PDGFRA: variants seen among roughly 807,000 people sequenced by gnomAD.
The protein encoded by PDGFRA is platelet-derived growth factor receptor alpha.
In PDGFRA, 25 loss-of-function variants were observed where a neutral mutation model predicts 121.5. The observed-to-expected ratio is 0.21, with a 90% CI of 0.15 to 0.29. The LOEUF (loss-of-function observed/expected upper bound fraction) is 0.29. Ranked by LOEUF, PDGFRA falls within the 10% of genes least tolerant of loss-of-function variation. PDGFRA has a pLI of 1.00. For missense variants in PDGFRA, 1,008 were observed against 1,345.1 expected, an observed-to-expected ratio of 0.75 and a Z score of 3.92; for synonymous variants, 463 against 494.8, an observed-to-expected ratio of 0.94 and a Z score of 0.85.
At chr4:54,235,786 A>T (rs1210668862) in intron 1 of PDGFRA, among the ~76,000 whole-genome samples, 1 of 152,230 alleles carries the variant, frequency 6.6e-6, no homozygotes, top group Non-Finnish European at 1.5e-5. Flanking sequence ...CTGCAGAAAA[A>T]GTCGTGAAAA....
intron 1 of PDGFRA, among the ~76,000 whole-genome samples, chr4:54,231,238 A>C (rs890203): frequency 0.25 from 37,894 of 152,186 alleles, 5,065 homozygotes; most frequent in Admixed American, 0.33. Context: ...GATGGGGCCC[A>C]TATCAGGTCC....
intron 14 of PDGFRA, 40 bp downstream of exon 14, chr4:54,278,046 C>G (rs2110312703): frequency 8.4e-7 from 1 of 1,189,260 alleles, no homozygotes; most frequent in Non-Finnish European, 1.3e-6. Flanking sequence ...TCACTGGACA[C>G]ATGTGGTTGT....
Position 54,288,998 on chromosome 4 carries a change from T to C in PDGFRA, c.2775-11T>C. The stretch of plus-strand genomic sequence containing the variant: ...TCCCCCTGTGCCCACTCTTGAGTTC[T>C]GTCCCCACAGCTACGAGATCATGGT... On this transcript the variant is annotated splice_polypyrimidine_tract_variant and intron_variant, in intron 20 of 22. Coordinates refer to ENST00000257290, the MANE Select transcript of PDGFRA (RefSeq NM_006206.6). The C allele has an allele frequency of 6.3e-7, 1 of 1,589,768 alleles. No individual in the cohort carries two copies. The highest frequency in any genetic ancestry group is 8.6e-7 in the Non-Finnish European group (1 of 1,157,806).
intron 12 of PDGFRA, among the ~76,000 whole-genome samples, chr4:54,275,976 G>A (rs573899355): frequency 6.6e-6 from 1 of 152,274 alleles, no homozygotes; most frequent in Non-Finnish European, 1.5e-5. Flanking sequence ...CTGCCTTTGC[G>A]GGACTAACGA....
chr4:54,264,121 A>AT, intron 4 of PDGFRA, 194 bp downstream of exon 4: 1 of 605,802 alleles, frequency 1.7e-6, no homozygotes, highest in Non-Finnish European at 2.9e-6. Flanking sequence ...CCAAAGCTTG[A>AT]TTACCCATGC....
chr4:54,231,902 G>C (rs1356821364), intron 1 of PDGFRA, among the ~76,000 whole-genome samples: 2 of 152,264 alleles, frequency 1.3e-5, no homozygotes, highest in Admixed American at 6.5e-5. Context: ...GACTGAGGAG[G>C]GATGCAGGGG....
intron 8 of PDGFRA, among the ~76,000 whole-genome samples, chr4:54,272,011 CCCCTT>C (rs1267784340): frequency 5.2e-5 from 5 of 95,442 alleles, no homozygotes; most frequent in Non-Finnish European, 8.1e-5. Flanking sequence ...CCCCTCCCCT[CCCCTT>C]CCCTTCCCTT....
intron 7 of PDGFRA, among the ~76,000 whole-genome samples, chr4:54,270,010 G>T (rs570788264): frequency 6.6e-6 from 1 of 152,046 alleles, no homozygotes; most frequent in Non-Finnish European, 1.5e-5. Flanking sequence ...CAAACAAAAA[G>T]AGAATGCATT....
rs754824764 is a variant in PDGFRA, at chr4:54,273,647, A to C, written c.1475A>C (p.Lys492Thr). Residue 492 changes from lysine to threonine, a missense_variant, in exon 10 of 23, where the codon AAA (lysine) becomes ACA (threonine). Physicochemically the swap from Lys to Thr is moderately conservative, Grantham distance 78. Around this residue, in one of 5 missense-constraint regions of PDGFRA, gnomAD observed 575 missense variants for 701.8 expected, o/e 0.82. Transcript: ENST00000257290. ...GTGGAGGGCCGTGTGACTTTCGCCAAAGTGGAGGAGACCATCGCCGTGCGA... is the reference window on the plus strand; with the variant it reads ...GTGGAGGGCCGTGTGACTTTCGCCACAGTGGAGGAGACCATCGCCGTGCGA... ...STVEGRVTFA[K>T]VEETIAVRCL... The C allele has an allele frequency of 1.9e-6, 3 of 1,613,858 alleles. No homozygotes were observed. The highest frequency in any genetic ancestry group is 2.5e-6 in the Non-Finnish European group (3 of 1,180,008).
At chr4:54,294,555 A>G (rs1050934775) in intron 22 of PDGFRA, among the ~76,000 whole-genome samples, 1 of 151,948 alleles carries the variant, frequency 6.6e-6, no homozygotes, top group Admixed American at 6.6e-5. Context: ...TCCAGACCTA[A>G]GGCTTTCTGA....
intron 16 of PDGFRA, among the ~76,000 whole-genome samples, chr4:54,283,040 C>T (rs1270462488): frequency 3.9e-5 from 6 of 152,236 alleles, no homozygotes; most frequent in Admixed American, 3.9e-4. Flanking sequence ...GCCCCTGCAG[C>T]TGCTCTCAGG....
chr4:54,234,789 T>A (rs372874908), intron 1 of PDGFRA, among the ~76,000 whole-genome samples: 9 of 152,190 alleles, frequency 5.9e-5, no homozygotes, highest in Non-Finnish European at 1.2e-4. Flanking sequence ...CTCAAACTGC[T>A]ACTGCTACTC....
intron 22 of PDGFRA, 66 bp from the exon 23 acceptor site, chr4:54,295,059 G>T: frequency 6.7e-7 from 1 of 1,491,064 alleles, no homozygotes; most frequent in Non-Finnish European, 9.4e-7. Flanking sequence ...TTGTCTCTGG[G>T]GGGCCACAGT....
intron 1 of PDGFRA, among the ~76,000 whole-genome samples, chr4:54,254,180 G>T (rs1485828669): frequency 6.6e-6 from 1 of 152,170 alleles, no homozygotes; most frequent in Non-Finnish European, 1.5e-5. Flanking sequence ...GGTGAGGAAA[G>T]TCCCCATCTT....
At chr4:54,284,780 C>T (rs1324390673) in intron 16 of PDGFRA, among the ~76,000 whole-genome samples, 4 of 141,384 alleles carry the variant, frequency 2.8e-5, no homozygotes, top group South Asian at 2.5e-4. Context: ...GGTGGGGACA[C>T]ATATCCAAAC....
At chr4:54,267,891 T>A (rs759154375) in intron 7 of PDGFRA, 150 bp downstream of exon 7, 7 of 709,672 alleles carry the variant, frequency 9.9e-6, no homozygotes, top group Non-Finnish European at 1.8e-5. Context: ...ATCCCTTTAA[T>A]GATAACATTG....
chr4:54,231,867 T>G (rs1165563844), intron 1 of PDGFRA, among the ~76,000 whole-genome samples: 1 of 152,160 alleles, frequency 6.6e-6, no homozygotes, highest in Non-Finnish European at 1.5e-5. Flanking sequence ...TCTGCGCCCC[T>G]GGGCCAGTTT....
intron 1 of PDGFRA, among the ~76,000 whole-genome samples, chr4:54,245,151 A>T (rs1721562136): frequency 6.6e-6 from 1 of 152,262 alleles, no homozygotes; most frequent in South Asian, 2.1e-4. Flanking sequence ...TCTGCAGGAT[A>T]TTATCCAGGA....
rs1490513857 is a variant in PDGFRA, at chr4:54,287,519, G to T, written c.2652G>T (p.Leu884=). The part of the protein sequence containing the change: ...TLSDVWSYGI[L]LWEIFSLGGT... ...GTGATGTCTGGTCTTATGGCATTCT[G>T]CTCTGGGAGATCTTTTCCCTTGGTA... The change falls in exon 19 of 23, where the codon CTG becomes CTT. Residue 884 remains leucine (L), a synonymous_variant. Coordinates refer to ENST00000257290, the MANE Select transcript of PDGFRA (RefSeq NM_006206.6). 1.3e-6 allele frequency: 2 copies of T among 1,483,982 alleles called. No individual in the cohort carries two copies. Among genetic ancestry groups the T allele is most frequent in the Non-Finnish European group, 9.4e-7 (1 of 1,061,374 alleles). The allele number at this position is 1,483,982 out of a possible 1,614,324, so 91.9% of individuals were successfully genotyped here.
Sources: gnomAD v4.1 joint callset for allele counts (sites outside exome capture counted in the v4.1 genomes callset) on GRCh38, gnomAD v4.1.1 for gene constraint, gnomAD v4.1.1 regional missense constraint, MANE v1.5 for transcripts, NCBI Gene and HGNC (gene_info 2026-07-23, HGNC 2026-07-21) for gene names.